The following DEPTOR variants were observed in gnomAD, a reference collection of about 807,000 sequenced individuals.
The protein encoded by DEPTOR is DEP domain containing MTOR interacting protein.
Under a neutral mutation model 41.6 loss-of-function variants are expected in DEPTOR, and 41 were observed. That is an observed-to-expected ratio of 0.98 (90% CI 0.77 to 1.28). The LOEUF (loss-of-function observed/expected upper bound fraction) is 1.28, where lower values mean the gene tolerates loss of function less well. Ranked by LOEUF, DEPTOR falls within the 50% of genes most tolerant of loss-of-function variation. DEPTOR has a pLI of 0.00. For synonymous variants in DEPTOR, 195 were observed against 192.3 expected, an observed-to-expected ratio of 1.01 and a Z score of -0.12; for missense variants, 514 against 527.9, an observed-to-expected ratio of 0.97 and a Z score of 0.26.
At chr8:120,016,407 T>G (rs1188789183) in intron 8 of DEPTOR, among the ~76,000 whole-genome samples, 1 of 152,032 alleles carries the variant, frequency 6.6e-6, no homozygotes, top group Non-Finnish European at 1.5e-5. Context: ...CAAGTGATTC[T>G]CCTGCCTCAG....
chr8:120,008,101 T>G (rs1269563932), intron 7 of DEPTOR, among the ~76,000 whole-genome samples: 1 of 152,226 alleles, frequency 6.6e-6, no homozygotes, highest in Non-Finnish European at 1.5e-5. Context: ...ATGATTTCTA[T>G]AGAAAAGGCC....
intron 1 of DEPTOR, among the ~76,000 whole-genome samples, chr8:119,911,328 T>A (rs1827733678): frequency 6.7e-6 from 1 of 148,302 alleles, no homozygotes; most frequent in Non-Finnish European, 1.5e-5. Flanking sequence ...TTTTTTTTTT[T>A]TTTTTTTGAG....
At chr8:120,027,234 A>AATAAT in intron 8 of DEPTOR, among the ~76,000 whole-genome samples, 1 of 145,100 alleles carries the variant, frequency 6.9e-6, no homozygotes. Flanking sequence ...AATAAAAATA[A>AATAAT]AATAATAATA....
chr8:120,025,640 G>A (rs898534061), intron 8 of DEPTOR, among the ~76,000 whole-genome samples: 3 of 152,106 alleles, frequency 2.0e-5, no homozygotes, highest in African/African-American at 7.2e-5. Context: ...AGTCATGCTT[G>A]CTTTTCTCTT....
chr8:119,991,475 C>T (rs145869236), intron 4 of DEPTOR, among the ~76,000 whole-genome samples: 3 of 152,152 alleles, frequency 2.0e-5, no homozygotes, highest in East Asian at 1.9e-4. Context: ...GCCACCACAC[C>T]GGGCTAATCT....
At chr8:119,931,559 G>C (rs1199370555) in intron 3 of DEPTOR, among the ~76,000 whole-genome samples, 1 of 152,132 alleles carries the variant, frequency 6.6e-6, no homozygotes, top group Admixed American at 6.5e-5. Flanking sequence ...ACCCTCGACT[G>C]TGTCCTTCCT....
At chr8:119,917,247 A>G (rs1360438928) in intron 1 of DEPTOR, among the ~76,000 whole-genome samples, 1 of 152,206 alleles carries the variant, frequency 6.6e-6, no homozygotes, top group Non-Finnish European at 1.5e-5. Flanking sequence ...TATGTGTTAC[A>G]TTGTCTCACT....
Position 119,970,113 on chromosome 8 carries a change from A to ATATG in DEPTOR, c.604+4706_604+4707insGTAT, listed in dbSNP as rs200814466. ...CATGCATGTGTATTTATGTGGATAT[A>ATATG]TATATATGCATGTATATGTACATAT... is the stretch of plus-strand genomic sequence containing the variant. On this transcript the variant is annotated intron_variant, in intron 4 of 8. Transcript: ENST00000286234. Among the ~76,000 whole-genome samples, 516 of 152,308 alleles carry ATATG rather than the reference A, an allele frequency of 3.4e-3. 3 individuals are homozygous for ATATG. Among genetic ancestry groups the ATATG allele is most frequent in the African/African-American group, 0.012 (496 of 41,560 alleles).
intron 4 of DEPTOR, among the ~76,000 whole-genome samples, chr8:119,995,354 G>A (rs1374084936): frequency 6.6e-6 from 1 of 152,102 alleles, no homozygotes; most frequent in Non-Finnish European, 1.5e-5. Context: ...TGGGAGGCAA[G>A]GCGAGTGGAT....
intron 3 of DEPTOR, among the ~76,000 whole-genome samples, chr8:119,960,514 A>G (rs1293877676): frequency 1.3e-5 from 2 of 152,158 alleles, no homozygotes; most frequent in African/African-American, 4.8e-5. Context: ...ACCTTAAAGG[A>G]ATCTCCATTT....
At chr8:120,044,824 G>C (rs1813131106) in intron 8 of DEPTOR, among the ~76,000 whole-genome samples, 1 of 152,194 alleles carries the variant, frequency 6.6e-6, no homozygotes, top group South Asian at 2.1e-4. Context: ...GAGGTTGCCT[G>C]CTATTTTGAA....
chr8:119,952,658 G>A (rs1828369301), intron 3 of DEPTOR, among the ~76,000 whole-genome samples: 1 of 152,216 alleles, frequency 6.6e-6, no homozygotes, highest in Admixed American at 6.5e-5. Context: ...TCCCACTGAT[G>A]AGTGAGAACA....
At chr8:119,956,001 G>C (rs1586631639) in intron 3 of DEPTOR, among the ~76,000 whole-genome samples, 1 of 152,008 alleles carries the variant, frequency 6.6e-6, no homozygotes, top group Admixed American at 6.6e-5. Flanking sequence ...CTATTTTGAG[G>C]GGTACCGCAG....
intron 1 of DEPTOR, among the ~76,000 whole-genome samples, chr8:119,918,172 C>T: frequency 6.6e-6 from 1 of 152,078 alleles, no homozygotes; most frequent in East Asian, 1.9e-4. Flanking sequence ...TTTCTCTATA[C>T]TTTGTCTCTG....
rs139907170 is a variant in DEPTOR, at chr8:119,940,467, C to T, written c.425+10529C>T. 1.4e-3 allele frequency among the ~76,000 whole-genome samples: 213 copies of T among 152,230 alleles called. 3 individuals are homozygous for T. The East Asian group carries it at 0.038, about 27-fold the overall frequency. On this transcript the variant is annotated intron_variant, in intron 3 of 8. Transcript: ENST00000286234. ...CAGCCTTAAAAAGGAAAAATATGGC[C>T]GGGCACAGTGGCTCACGCCTGTCAT...
At chr8:119,874,086 C>A in intron 1 of DEPTOR, 118 bp downstream of exon 1, 1 of 1,531,336 alleles carries the variant, frequency 6.5e-7, no homozygotes, top group Non-Finnish European at 8.8e-7. Flanking sequence ...GGCGCCGGAA[C>A]GGCTGCGGGC....
chr8:119,940,318 G>A (rs1326458743), intron 3 of DEPTOR, among the ~76,000 whole-genome samples: 1 of 152,140 alleles, frequency 6.6e-6, no homozygotes, highest in Non-Finnish European at 1.5e-5. Flanking sequence ...ATCTTGAAGA[G>A]ATATTGGCAC....
At chr8:119,980,621 A>C (rs1236818477) in intron 4 of DEPTOR, among the ~76,000 whole-genome samples, 2 of 150,772 alleles carry the variant, frequency 1.3e-5, no homozygotes, top group African/African-American at 2.4e-5. Flanking sequence ...GTGTTCAAGC[A>C]ACTCTCCTGC....
At chr8:119,985,826 CTTTTTTTTTTTTTTTTTTTTTT>C (rs999602227) in intron 4 of DEPTOR, among the ~76,000 whole-genome samples, 3 of 41,604 alleles carry the variant, frequency 7.2e-5, no homozygotes, top group Admixed American at 3.4e-4. Context: ...AACCCCTGCT[CTTTTTTTTTTTTTTTTTTTTTT>C]TTTTTTTTTT....
Sources: gnomAD v4.1 joint callset for allele counts (sites outside exome capture counted in the v4.1 genomes callset) on GRCh38, gnomAD v4.1.1 for gene constraint, MANE v1.5 for transcripts, NCBI Gene and HGNC (gene_info 2026-07-23, HGNC 2026-07-21) for gene names.